Variants in PHLPP1 observed in about 807,000 individuals in gnomAD.
PHLPP1 encodes PH domain leucine-rich repeat-containing protein phosphatase 1.
PHLPP1 carries 42 observed loss-of-function variants against 117.2 expected under a neutral mutation model. The ratio of observed to expected loss-of-function variants is 0.36; its 90% CI spans 0.28 to 0.46. PHLPP1 has a LOEUF of 0.46. PHLPP1 is among the 20% of genes least tolerant of loss of function. PHLPP1 has a pLI of 1.00. For missense variants in PHLPP1, 2,084 were observed against 2,241.9 expected, an observed-to-expected ratio of 0.93 and a Z score of 1.42; for synonymous variants, 1,042 against 970.7, an observed-to-expected ratio of 1.07 and a Z score of -1.37.
At chr18:62,948,917 T>C (rs961246292) in intron 12 of PHLPP1, among the ~76,000 whole-genome samples, 2 of 152,208 alleles carry the variant, frequency 1.3e-5, no homozygotes, top group African/African-American at 4.8e-5. Context: ...TGTGCGTATC[T>C]TAAATGATAA....
rs9945775 is a variant in PHLPP1, at chr18:62,752,904, A to G, written c.1576+35645A>G. ...ATCCCTGAAAAATCTTCAGTAGACAATAAGTGTGAATAACTGGATGAAAAC... is the reference window on the plus strand; with the variant it reads ...ATCCCTGAAAAATCTTCAGTAGACAGTAAGTGTGAATAACTGGATGAAAAC... On this transcript the variant is annotated intron_variant, in intron 1 of 16. Coordinates refer to ENST00000262719, the MANE Select transcript of PHLPP1 (RefSeq NM_194449.4). 4.5e-3 allele frequency among the ~76,000 whole-genome samples: 692 copies of G among 152,336 alleles called. 3 individuals carry two copies. Among genetic ancestry groups the G allele is most frequent in the African/African-American group, 0.016 (666 of 41,576 alleles).
chr18:62,900,694 T>A (rs1916702500), intron 6 of PHLPP1, among the ~76,000 whole-genome samples: 1 of 152,018 alleles, frequency 6.6e-6, no homozygotes, highest in South Asian at 2.1e-4. Context: ...CAAACGAACC[T>A]TCTACTTCAG....
intron 5 of PHLPP1, 115 bp from the exon 6 acceptor site, chr18:62,895,666 G>T: frequency 4.4e-6 from 3 of 686,464 alleles, no homozygotes; most frequent in Non-Finnish European, 5.0e-6. Context: ...TAGGCATTTT[G>T]CGAAGAATAA....
At chr18:62,749,585 G>A (rs1326625622) in intron 1 of PHLPP1, among the ~76,000 whole-genome samples, 1 of 152,206 alleles carries the variant, frequency 6.6e-6, no homozygotes, top group Non-Finnish European at 1.5e-5. Flanking sequence ...AGGCCAAGAT[G>A]AAGGTGTTGG....
At chr18:62,720,429 G>A (rs1325121295) in intron 1 of PHLPP1, among the ~76,000 whole-genome samples, 5 of 152,204 alleles carry the variant, frequency 3.3e-5, no homozygotes, top group South Asian at 4.1e-4. Flanking sequence ...AGTGAATCTC[G>A]GACAAGGTAT....
rs1278821971 is a variant in PHLPP1, at chr18:62,825,448, T to C, written c.1577-4587T>C. The C allele has an allele frequency of 2.7e-5, 4 of 146,908 alleles. No individual in the cohort carries two copies. The Admixed American group carries it at 2.7e-4, about 10-fold the overall frequency. 9.1% of individuals were successfully genotyped at this position (146,908 alleles called of 1,614,324 possible). On this transcript the variant is annotated intron_variant, in intron 1 of 16. Coordinates refer to ENST00000262719, the MANE Select transcript of PHLPP1 (RefSeq NM_194449.4). The stretch of plus-strand genomic sequence containing the variant: ...TATTACATATTATATTTATTATATA[T>C]AATATATTTATATAATATATATATT...
chr18:62,974,668 G>A (rs1911139165), intron 15 of PHLPP1, among the ~76,000 whole-genome samples: 1 of 152,196 alleles, frequency 6.6e-6, no homozygotes, highest in Admixed American at 6.5e-5. Flanking sequence ...CTTTGTAAGA[G>A]GGGTTTTTGA....
At chr18:62,933,201 A>G (rs1909868642) in intron 10 of PHLPP1, among the ~76,000 whole-genome samples, 1 of 152,222 alleles carries the variant, frequency 6.6e-6, no homozygotes, top group East Asian at 1.9e-4. Context: ...AACAGTCTAC[A>G]GATTCAATGT....
chr18:62,739,332 G>A (rs1031251776), intron 1 of PHLPP1, among the ~76,000 whole-genome samples: 11 of 152,202 alleles, frequency 7.2e-5, no homozygotes, highest in African/African-American at 2.7e-4. Flanking sequence ...ATGAAGGTCA[G>A]TTAGCTGGCA....
intron 1 of PHLPP1, among the ~76,000 whole-genome samples, chr18:62,730,047 G>A (rs922297135): frequency 6.6e-6 from 1 of 152,206 alleles, no homozygotes; most frequent in Admixed American, 6.5e-5. Flanking sequence ...TCTAGATTTG[G>A]ACAGTGAGCA....
At chr18:62,964,474 A>G (rs936480593) in intron 14 of PHLPP1, among the ~76,000 whole-genome samples, 1 of 152,174 alleles carries the variant, frequency 6.6e-6, no homozygotes, top group Non-Finnish European at 1.5e-5. Context: ...AACAGCATCA[A>G]CTCAAATTCT....
At position 62,783,449 on chromosome 18, in the gene PHLPP1, C is replaced by T. The variant is rs143834111; in HGVS notation, c.1577-46586C>T. Among the ~76,000 whole-genome samples the T allele has an allele frequency of 2.9e-3, 443 of 151,954 alleles. 1 individual carries two copies. The highest frequency in any genetic ancestry group is 9.8e-3 in the African/African-American group (405 of 41,474). ...TTCACCATGTTAGCCAGGATGGTGCCGATCTCCTGACCTCGTGATCTGCCC... is the reference window on the plus strand; with the variant it reads ...TTCACCATGTTAGCCAGGATGGTGCTGATCTCCTGACCTCGTGATCTGCCC... On this transcript the variant is annotated intron_variant, in intron 1 of 16. Coordinates refer to ENST00000262719, the MANE Select transcript of PHLPP1 (RefSeq NM_194449.4).
intron 4 of PHLPP1, among the ~76,000 whole-genome samples, chr18:62,888,407 TCTGGCTTAC>T (rs1916337526): frequency 6.6e-6 from 1 of 151,952 alleles, no homozygotes. Context: ...TCATCATTTA[TCTGGCTTAC>T]CTGGCCAAGC....
intron 12 of PHLPP1, among the ~76,000 whole-genome samples, chr18:62,946,358 C>G (rs1412590703): frequency 6.6e-6 from 1 of 152,102 alleles, no homozygotes; most frequent in Non-Finnish European, 1.5e-5. Context: ...CTCTGTCTTC[C>G]GGGTTCAAGC....
rs1910717717 is a variant in PHLPP1 at position 62,716,057 on chromosome 18, G to T, written c.374G>T (p.Arg125Leu). The T allele has an allele frequency of 2.0e-6, 3 of 1,476,530 alleles. No homozygotes were observed. The African/African-American group carries it at 4.4e-5, about 22-fold the overall frequency. 91.5% of individuals were successfully genotyped at this position (1,476,530 alleles called of 1,614,324 possible). ...AACTCCCTCCTGCTGAGGAGAGGGC[G>T]GCTGAAGAGGAATCTGTCCGCGGCC... ...GANSLLLRRGRLKRNLSAAAA... is the reference protein window; with the variant it reads ...GANSLLLRRGLLKRNLSAAAA... The change falls in exon 1 of 17, where the codon CGG becomes CTG. Residue 125 changes from arginine (R) to leucine (L), a missense_variant. Arg to Leu is a moderately radical substitution (Grantham distance 102, BLOSUM62 -2). Transcript: ENST00000262719. This position sits in a 1 kb window ranked among gnomAD's most constrained non-coding sequence, Gnocchi z 5.7.
At chr18:62,958,988 G>A (rs1265425326) in intron 13 of PHLPP1, among the ~76,000 whole-genome samples, 2 of 152,194 alleles carry the variant, frequency 1.3e-5, no homozygotes, top group African/African-American at 4.8e-5. Flanking sequence ...TATTAAGGAA[G>A]GATTTTAAAA....
intron 13 of PHLPP1, among the ~76,000 whole-genome samples, chr18:62,962,937 C>G (rs926813529): frequency 6.6e-5 from 10 of 152,186 alleles, no homozygotes; most frequent in African/African-American, 1.9e-4. Context: ...TTGCAGAATT[C>G]TCTCACATCA....
At chr18:62,968,033 A>G (rs1330993788) in intron 14 of PHLPP1, among the ~76,000 whole-genome samples, 1 of 152,064 alleles carries the variant, frequency 6.6e-6, no homozygotes, top group African/African-American at 2.4e-5. Flanking sequence ...ATGTTGGTCA[A>G]GCTGGTCTCT....
At position 62,758,199 on chromosome 18, in the gene PHLPP1, A is replaced by C. The variant is rs573829463; in HGVS notation, c.1576+40940A>C. Among the ~76,000 whole-genome samples, 10 of 152,326 alleles carry C rather than the reference A, an allele frequency of 6.6e-5. No individual in the cohort carries two copies. The South Asian group carries it at 2.1e-3, about 32-fold the overall frequency. ...GTTGCACTTTGGATGGTAAAATTGT[A>C]ATTGTAACTTTTTTTTCTTACCCCT... On this transcript the variant is annotated intron_variant, in intron 1 of 16. Coordinates refer to ENST00000262719, the MANE Select transcript of PHLPP1 (RefSeq NM_194449.4).
Sources: gnomAD v4.1 joint callset for allele counts (sites outside exome capture counted in the v4.1 genomes callset) on GRCh38, gnomAD v4.1.1 for gene constraint, Gnocchi (gnomAD v3.1) non-coding constraint, MANE v1.5 for transcripts, NCBI Gene and HGNC (gene_info 2026-07-23, HGNC 2026-07-21) for gene names.